The following SLC15A5 variants were observed in gnomAD, a reference collection of about 807,000 sequenced individuals.
The protein encoded by SLC15A5 is Peptide/histidine transporter ENSP00000340402.
A neutral mutation model predicts 56.1 loss-of-function variants in SLC15A5; 58 were observed. That is an observed-to-expected ratio of 1.03 (90% CI 0.84 to 1.29). The LOEUF (loss-of-function observed/expected upper bound fraction) is 1.29, where lower values mean the gene tolerates loss of function less well. Ranked by LOEUF, SLC15A5 falls within the 50% of genes most tolerant of loss-of-function variation. SLC15A5 has a pLI of 0.00. For synonymous variants in SLC15A5, 264 were observed against 250.5 expected, an observed-to-expected ratio of 1.05 and a Z score of -0.51; for missense variants, 681 against 672.1, an observed-to-expected ratio of 1.01 and a Z score of -0.15.
chr12:16,275,392 T>A (rs1345288250), intron 1 of SLC15A5, among the ~76,000 whole-genome samples: 3 of 152,048 alleles, frequency 2.0e-5, no homozygotes, highest in Admixed American at 6.6e-5. Context: ...GGTTGTTGTA[T>A]GCTAAATTAA....
At chr12:16,247,073 A>G (rs1396597535) in intron 3 of SLC15A5, among the ~76,000 whole-genome samples, 1 of 152,168 alleles carries the variant, frequency 6.6e-6, no homozygotes, top group Non-Finnish European at 1.5e-5. Flanking sequence ...AAATATTTCT[A>G]TATGTTTTCT....
chr12:16,194,181 G>T (rs565946279), intron 8 of SLC15A5, among the ~76,000 whole-genome samples, 164 bp downstream of exon 8: 1 of 152,138 alleles, frequency 6.6e-6, no homozygotes, highest in East Asian at 1.9e-4. Flanking sequence ...GATGGAAAAA[G>T]TGAAGTTCCA....
At chr12:16,219,043 A>T (rs950008106) in intron 6 of SLC15A5, among the ~76,000 whole-genome samples, 3 of 152,132 alleles carry the variant, frequency 2.0e-5, no homozygotes, top group South Asian at 4.1e-4. Flanking sequence ...AAGGAATCCC[A>T]TTTTGCACTT....
At chr12:16,191,910 A>G (rs1349151909) in intron 8 of SLC15A5, among the ~76,000 whole-genome samples, 1 of 152,074 alleles carries the variant, frequency 6.6e-6, no homozygotes, top group African/African-American at 2.4e-5. Flanking sequence ...AACAGGTGGT[A>G]GTGGGTAGAG....
At chr12:16,259,402 G>A (rs775904355) in intron 2 of SLC15A5, among the ~76,000 whole-genome samples, 3 of 132,952 alleles carry the variant, frequency 2.3e-5, no homozygotes, top group Non-Finnish European at 3.2e-5. Context: ...TCCTTCCTTC[G>A]TCCCTCCCTC....
rs1565676293 is a variant in SLC15A5 at position 16,271,599 on chromosome 12, A to AGAG, written c.584+961_584+962insCTC. Among the ~76,000 whole-genome samples the AGAG allele has an allele frequency of 6.6e-6, 1 of 151,926 alleles. No homozygotes were observed. The highest frequency in any genetic ancestry group is 2.4e-5 in the African/African-American group (1 of 41,362). On this transcript the variant is annotated intron_variant, in intron 2 of 8. Coordinates refer to ENST00000344941, the MANE Select transcript of SLC15A5 (RefSeq NM_001170798.1). This position sits in a 1 kb window ranked among gnomAD's most constrained non-coding sequence, Gnocchi z 8.0. The stretch of plus-strand genomic sequence containing the variant: ...GGAGCAAGAGAAAGAAAAAGAAAGA[A>AGAG]AGAGAAAAGAGGAACTGCCTCGGAT...
Position 16,216,884 on chromosome 12 carries a change from T to A in SLC15A5, c.1483+9A>T. Reference sequence around the variant, plus strand: ...AATGTATATAAGCATGCCACGAACCTATTTTTACCATCTGAGATGAGATAT... The same window carrying A: ...AATGTATATAAGCATGCCACGAACCAATTTTTACCATCTGAGATGAGATAT... On this transcript the variant is annotated intron_variant, in intron 7 of 8. Transcript: ENST00000344941. The A allele has an allele frequency of 6.5e-7, 1 of 1,534,042 alleles. No homozygotes were observed. The highest frequency in any genetic ancestry group is 8.7e-7 in the Non-Finnish European group (1 of 1,145,602).
intron 5 of SLC15A5, among the ~76,000 whole-genome samples, chr12:16,227,550 A>G (rs972825965): frequency 6.6e-6 from 1 of 152,188 alleles, no homozygotes; most frequent in Non-Finnish European, 1.5e-5. Context: ...CAGTACGAAA[A>G]GGTGAAAGCA....
chr12:16,214,006 A>C (rs563879847), intron 7 of SLC15A5, among the ~76,000 whole-genome samples: 1 of 152,220 alleles, frequency 6.6e-6, no homozygotes, highest in Non-Finnish European at 1.5e-5. Flanking sequence ...AGTTGCTTGT[A>C]TATTGAAATC....
intron 4 of SLC15A5, among the ~76,000 whole-genome samples, chr12:16,240,929 C>A (rs1864408164): frequency 6.6e-6 from 1 of 152,112 alleles, no homozygotes; most frequent in South Asian, 2.1e-4. Flanking sequence ...TCTCCTGCCT[C>A]AGCCTTCCGA....
chr12:16,192,319 G>A (rs1026882991), intron 8 of SLC15A5, among the ~76,000 whole-genome samples: 2 of 152,160 alleles, frequency 1.3e-5, no homozygotes, highest in East Asian at 1.9e-4. Flanking sequence ...CAGGAGAAGA[G>A]AAAGTAGATA....
chr12:16,266,742 A>G (rs1864701206), intron 2 of SLC15A5, among the ~76,000 whole-genome samples: 1 of 152,240 alleles, frequency 6.6e-6, no homozygotes, highest in African/African-American at 2.4e-5. Context: ...AATTGAATTT[A>G]TAAAGCACCT....
intron 6 of SLC15A5, among the ~76,000 whole-genome samples, chr12:16,222,133 G>A (rs1864193456): frequency 6.6e-6 from 1 of 152,152 alleles, no homozygotes; most frequent in Non-Finnish European, 1.5e-5. Flanking sequence ...ATTATTGAAT[G>A]CTGTCTATAT....
chr12:16,222,472 G>T (rs1172469138), intron 6 of SLC15A5, among the ~76,000 whole-genome samples: 3 of 148,172 alleles, frequency 2.0e-5, no homozygotes, highest in Non-Finnish European at 4.5e-5. Context: ...ATATAAAGAA[G>T]AATACAATTA....
intron 2 of SLC15A5, among the ~76,000 whole-genome samples, chr12:16,266,628 T>C (rs1265531080): frequency 6.6e-6 from 1 of 152,136 alleles, no homozygotes; most frequent in Non-Finnish European, 1.5e-5. Flanking sequence ...CCACAGATAA[T>C]TAAGGATGAA....
chr12:16,252,319 CAA>C (rs1397225600), intron 3 of SLC15A5, among the ~76,000 whole-genome samples: 4 of 151,914 alleles, frequency 2.6e-5, no homozygotes, highest in South Asian at 4.2e-4. Flanking sequence ...AGAGAAATAA[CAA>C]GAGAAAAAAC....
Position 16,267,472 on chromosome 12 carries a change from T to C in SLC15A5, c.584+5089A>G, listed in dbSNP as rs369551021. Among the ~76,000 whole-genome samples the C allele has an allele frequency of 8.6e-5, 10 of 116,804 alleles. 3 individuals are homozygous for C. The East Asian group carries it at 2.4e-3, about 28-fold the overall frequency. The allele number at this position is 116,804 out of a possible 152,430, so 76.6% of individuals were successfully genotyped here. On this transcript the variant is annotated intron_variant, in intron 2 of 8. Coordinates refer to ENST00000344941, the MANE Select transcript of SLC15A5 (RefSeq NM_001170798.1). Reference sequence around the variant, plus strand: ...ATAGAAACTTTAGAGTTCCTTTTTATCTGTAAATACATATTTTTTTTTCCA... The same window carrying C: ...ATAGAAACTTTAGAGTTCCTTTTTACCTGTAAATACATATTTTTTTTTCCA...
At chr12:16,201,426 C>A (rs1379619629) in intron 7 of SLC15A5, among the ~76,000 whole-genome samples, 1 of 152,062 alleles carries the variant, frequency 6.6e-6, no homozygotes, top group African/African-American at 2.4e-5. Flanking sequence ...AGAAATAAAT[C>A]TGTGCATTTA....
intron 3 of SLC15A5, among the ~76,000 whole-genome samples, chr12:16,257,133 CAGAG>C (rs758829657): frequency 2.2e-4 from 33 of 151,548 alleles, no homozygotes; most frequent in Middle Eastern, 3.4e-3. Flanking sequence ...GTGTGTGTGA[CAGAG>C]AGAGAGAGAT....
Sources: gnomAD v4.1 joint callset for allele counts (sites outside exome capture counted in the v4.1 genomes callset) on GRCh38, gnomAD v4.1.1 for gene constraint, Gnocchi (gnomAD v3.1) non-coding constraint, MANE v1.5 for transcripts, NCBI Gene and HGNC (gene_info 2026-07-23, HGNC 2026-07-21) for gene names.